Variants in MDN1 observed in about 807,000 individuals in gnomAD.
MDN1 encodes the protein midasin AAA ATPase 1, also known as midasin.
In MDN1, 266 loss-of-function variants were observed where a neutral mutation model predicts 669.2. The ratio of observed to expected loss-of-function variants is 0.40; its 90% CI spans 0.36 to 0.44. The LOEUF is 0.44. MDN1 is among the 20% of genes least tolerant of loss of function. The pLI is 1.00. For missense variants in MDN1, 5,940 were observed against 6,754.0 expected, an observed-to-expected ratio of 0.88 and a Z score of 4.22; for synonymous variants, 2,385 against 2,457.1, an observed-to-expected ratio of 0.97 and a Z score of 0.87.
In MDN1 at chr6:89,732,847, C is replaced by A. The variant is rs111794893; in HGVS notation, c.4724-72G>T. 6.1e-3 allele frequency: 8,492 copies of A among 1,398,394 alleles called. 39 individuals carry two copies. The highest frequency in any genetic ancestry group is 9.0e-3 in the Middle Eastern group (49 of 5,470). 86.6% of individuals were successfully genotyped at this position (1,398,394 alleles called of 1,614,324 possible). On this transcript the variant is annotated intron_variant, in intron 33 of 101. Transcript: ENST00000369393. The stretch of plus-strand genomic sequence containing the variant: ...CAGAACAAAAGTTCATAACCAGGGG[C>A]ACACAAATGGCCTAAAAGGGGTCTC...
chr6:89,714,492 A>C (rs767820855), intron 46 of MDN1, 51 bp downstream of exon 46: 1 of 1,419,462 alleles, frequency 7.0e-7, no homozygotes, highest in Non-Finnish European at 9.6e-7. Context: ...GAATGACATA[A>C]ATTTCTTGAA....
In MDN1 at chr6:89,667,669, G is replaced by A. The variant is rs1481601264; in HGVS notation, c.14094+345C>T. Among the ~76,000 whole-genome samples the A allele has an allele frequency of 2.6e-5, 4 of 152,034 alleles. No individual in the cohort carries two copies. The East Asian group carries it at 5.8e-4, about 22-fold the overall frequency. On this transcript the variant is annotated intron_variant, in intron 84 of 101. Transcript: ENST00000369393. Reference sequence around the variant, plus strand: ...ATTAACAGCAAATTTTGGCATTATTGTTTAATGCAATTATCACTTAAGATA... The same window carrying A: ...ATTAACAGCAAATTTTGGCATTATTATTTAATGCAATTATCACTTAAGATA...
At position 89,743,785 on chromosome 6, in the gene MDN1, C is replaced by T. The variant is rs1269613784; in HGVS notation, c.4179-71G>A. On this transcript the variant is annotated intron_variant, in intron 29 of 101. Coordinates refer to ENST00000369393, the MANE Select transcript of MDN1 (RefSeq NM_014611.3). Reference sequence around the variant, plus strand: ...CACATCCATAAACACCCCCCCTCAGCAAAAGAGAAGAACCACTGTGGGAGT... The same window carrying T: ...CACATCCATAAACACCCCCCCTCAGTAAAAGAGAAGAACCACTGTGGGAGT... 3 of 1,518,206 alleles carry T rather than the reference C, an allele frequency of 2.0e-6. No individual in the cohort carries two copies. In the African/African-American group the frequency reaches 4.1e-5, roughly 21 times the overall value. The allele number at this position is 1,518,206 out of a possible 1,614,324, so 94.0% of individuals were successfully genotyped here.
intron 22 of MDN1, 66 bp from the exon 23 acceptor site, chr6:89,751,648 T>A (rs1816963524): frequency 1.3e-6 from 2 of 1,522,928 alleles, no homozygotes; most frequent in East Asian, 2.3e-5. Context: ...GGGCATAAAG[T>A]AGGAAAACAG....
At chr6:89,799,486 C>T (rs1232302964) in intron 2 of MDN1, among the ~76,000 whole-genome samples, 1 of 152,244 alleles carries the variant, frequency 6.6e-6, no homozygotes, top group Non-Finnish European at 1.5e-5. Flanking sequence ...AGTTCAAGAC[C>T]AGCCTGGCCA....
Position 89,654,474 on chromosome 6 carries a change from T to G in MDN1, c.15491-140A>C. ...TGTGCCACTGACCAGCTATGTGGCTTGGAGACTTGTCTGTGCACAAGATTT... is the reference window on the plus strand; with the variant it reads ...TGTGCCACTGACCAGCTATGTGGCTGGGAGACTTGTCTGTGCACAAGATTT... On this transcript the variant is annotated intron_variant, in intron 92 of 101. Coordinates refer to ENST00000369393, the MANE Select transcript of MDN1 (RefSeq NM_014611.3). 3.7e-6 allele frequency: 4 copies of G among 1,074,310 alleles called. No homozygotes were observed. The South Asian group carries it at 6.1e-5, about 16-fold the overall frequency. The allele number at this position is 1,074,310 out of a possible 1,614,324, so 66.5% of individuals were successfully genotyped here.
At chr6:89,652,968 G>A in intron 94 of MDN1, 24 bp downstream of exon 94, 2 of 1,604,054 alleles carry the variant, frequency 1.2e-6, no homozygotes, top group Non-Finnish European at 1.7e-6. Flanking sequence ...CTATATTAAT[G>A]CAGTAATTTG....
At chr6:89,803,234 G>T in intron 2 of MDN1, 94 bp downstream of exon 2, 4 of 1,063,842 alleles carry the variant, frequency 3.8e-6, no homozygotes, top group African/African-American at 1.6e-5. Context: ...CTGTATTTCC[G>T]TTTTACCTTC....
chr6:89,792,982 T>C lies in MDN1; in HGVS notation c.855+780A>G, dbSNP rs984694344. Among the ~76,000 whole-genome samples the C allele has an allele frequency of 2.0e-5, 3 of 152,158 alleles. No homozygotes were observed. The East Asian group carries it at 5.8e-4, about 29-fold the overall frequency. ...TTGCAGTGAGCCGAGGTTCTGCCAC[T>C]GCACTTGCACTACAGCCTGACCATC... is the stretch of plus-strand genomic sequence containing the variant. On this transcript the variant is annotated intron_variant, in intron 5 of 101. Coordinates refer to ENST00000369393, the MANE Select transcript of MDN1 (RefSeq NM_014611.3).
Position 89,668,111 on chromosome 6 carries a change from C to T in MDN1, c.13997G>A (p.Gly4666Glu). The T allele has an allele frequency of 1.2e-6, 2 of 1,614,098 alleles. No homozygotes were observed. Among genetic ancestry groups the T allele is most frequent in the Non-Finnish European group, 1.7e-6 (2 of 1,180,012 alleles). Residue 4666 changes from glycine to glutamate, a missense_variant, in exon 84 of 102, where the codon GGA becomes GAA. Around this residue, in one of 5 missense-constraint regions of MDN1, gnomAD observed 2,280 missense variants for 2,576.3 expected, o/e 0.88. Coordinates refer to ENST00000369393, the MANE Select transcript of MDN1 (RefSeq NM_014611.3). Reference protein sequence around the residue: ...LPKEFMEDSAGEGATEFHDYE... With the variant: ...LPKEFMEDSAEEGATEFHDYE... ...GTCATGGAACTCAGTTGCTCCCTCT[C>T]CAGCTGAATCTTCCATAAATTCTTT... is the stretch of plus-strand genomic sequence containing the variant.
At chr6:89,668,736 C>G (rs1203980175) in intron 83 of MDN1, among the ~76,000 whole-genome samples, 2 of 152,160 alleles carry the variant, frequency 1.3e-5, no homozygotes, top group Non-Finnish European at 1.5e-5. Flanking sequence ...AGATCCCAAA[C>G]CAGTAAACAC....
chr6:89,656,043 C>T lies in MDN1; in HGVS notation c.15286-75G>A. The T allele has an allele frequency of 3.1e-6, 4 of 1,304,020 alleles. No individual in the cohort carries two copies. In the Middle Eastern group the frequency reaches 7.5e-4, roughly 244 times the overall value. 80.8% of individuals were successfully genotyped at this position (1,304,020 alleles called of 1,614,324 possible). ...GACTCAAAGTAAACATAATATCCAT[C>T]TATAGGGGACAGGATAAGTAAATCA... On this transcript the variant is annotated intron_variant, in intron 91 of 101. Transcript: ENST00000369393.
Position 89,772,730 on chromosome 6 carries a change from G to C in MDN1, c.1935-9C>G. The C allele has an allele frequency of 6.2e-7, 1 of 1,608,502 alleles. No homozygotes were observed. The highest frequency in any genetic ancestry group is 8.5e-7 in the Non-Finnish European group (1 of 1,177,986). The stretch of plus-strand genomic sequence containing the variant: ...CGAAAGTGAACTTCTCCCTGGGAAG[G>C]AGAAAAAAAGAGTTTAAAAACCACG... On this transcript the variant is annotated splice_polypyrimidine_tract_variant and intron_variant, in intron 13 of 101. Transcript: ENST00000369393.
intron 45 of MDN1, among the ~76,000 whole-genome samples, chr6:89,715,249 C>G (rs1170517526): frequency 6.6e-6 from 1 of 152,188 alleles, no homozygotes; most frequent in African/African-American, 2.4e-5. Context: ...ACCCCATTTA[C>G]CCAGTTACTC....
chr6:89,750,628 G>A (rs1288682073), intron 23 of MDN1, 96 bp from the exon 24 acceptor site: 2 of 1,228,634 alleles, frequency 1.6e-6, no homozygotes, highest in East Asian at 2.4e-5. Flanking sequence ...TTTGACAAAG[G>A]GTTTCACTCT....
chr6:89,767,155 G>A (rs760956458), intron 15 of MDN1, among the ~76,000 whole-genome samples: 3 of 152,026 alleles, frequency 2.0e-5, no homozygotes, highest in Non-Finnish European at 2.9e-5. Context: ...ATCTTTGGCT[G>A]TCCCCACCCG....
rs374800939 is a variant in MDN1, at chr6:89,701,551, G to C, written c.8427+7C>G. ...TTCTTTTATTTACTAAATGCTTCCA[G>C]GTGTACCTTAAAAGGAAACGGTCGT... On this transcript the variant is annotated splice_region_variant and intron_variant, in intron 55 of 101. Coordinates refer to ENST00000369393, the MANE Select transcript of MDN1 (RefSeq NM_014611.3). 150 of 1,613,400 alleles carry C rather than the reference G, an allele frequency of 9.3e-5. No homozygotes were observed. The highest frequency in any genetic ancestry group is 1.2e-4 in the Non-Finnish European group (146 of 1,179,878).
chr6:89,668,226 G>A (rs962270416), intron 83 of MDN1, 75 bp from the exon 84 acceptor site: 2 of 1,562,786 alleles, frequency 1.3e-6, no homozygotes, highest in African/African-American at 2.7e-5. Context: ...TCTTGCCACA[G>A]GAAAACAATT....
chr6:89,684,297 C>G (rs556916196), intron 71 of MDN1, among the ~76,000 whole-genome samples: 3 of 151,348 alleles, frequency 2.0e-5, no homozygotes, highest in Non-Finnish European at 4.4e-5. Flanking sequence ...GAGCTGAGAT[C>G]GTGCCACTGC....
Sources: allele counts gnomAD v4.1 joint callset (sites outside exome capture counted in the v4.1 genomes callset), GRCh38; gene constraint gnomAD v4.1.1; regional missense constraint gnomAD v4.1.1; transcripts MANE v1.5; gene names NCBI Gene and HGNC (gene_info 2026-07-23, HGNC 2026-07-21).